Variants in SIL1 observed in about 807,000 individuals in gnomAD.
The protein encoded by SIL1 is SIL1 nucleotide exchange factor, also known as nucleotide exchange factor SIL1.
A neutral mutation model predicts 49.1 loss-of-function variants in SIL1; 40 were observed. That is an observed-to-expected ratio of 0.81 (90% CI 0.63 to 1.06). The LOEUF (loss-of-function observed/expected upper bound fraction) is 1.06, where lower values mean the gene tolerates loss of function less well. Ranked by LOEUF, SIL1 falls within the 50% of genes least tolerant of loss-of-function variation. The pLI, the probability that SIL1 is intolerant of heterozygous loss-of-function variation, is 0.00. For missense variants in SIL1, 500 were observed against 572.6 expected (o/e 0.87, Z 1.29); for synonymous variants, 253 against 250.8 (o/e 1.01, Z -0.08).
intron 5 of SIL1, among the ~76,000 whole-genome samples, chr5:139,039,768 ATC>A (rs1768997823): frequency 6.6e-6 from 1 of 152,232 alleles, no homozygotes; most frequent in South Asian, 2.1e-4. Context: ...AAAAGGCCAT[ATC>A]TTAAAAAACA....
chr5:139,075,329 T>G (rs138223270), intron 3 of SIL1, among the ~76,000 whole-genome samples: 8 of 152,284 alleles, frequency 5.3e-5, no homozygotes, highest in African/African-American at 1.7e-4. Context: ...CCCCTAGAAC[T>G]TTATTTTCCC....
intron 1 of SIL1, among the ~76,000 whole-genome samples, chr5:139,143,302 TATATAC>T (rs1561878583): frequency 1.4e-5 from 1 of 71,822 alleles, no homozygotes; most frequent in African/African-American, 7.6e-5. Context: ...TGTATATACA[TATATAC>T]ACACACACAC....
At chr5:139,062,608 G>A (rs1293213671) in intron 3 of SIL1, among the ~76,000 whole-genome samples, 3 of 152,076 alleles carry the variant, frequency 2.0e-5, no homozygotes, top group Non-Finnish European at 4.4e-5. Context: ...TCCTCAAGGA[G>A]GACAAACTAC....
rs571402369 is a variant in SIL1 at position 139,163,387 on chromosome 5, G to A, written c.-11+34882C>T. Among the ~76,000 whole-genome samples, 17 of 150,154 alleles carry A rather than the reference G, an allele frequency of 1.1e-4. 1 individual carries two copies. The highest frequency in any genetic ancestry group is 3.7e-4 in the African/African-American group (15 of 40,758). ...TTTTTTTTTCGGTTTTTTCTTTTGT[G>A]GAGACAAGGTATCGCTCTGTCACCC... is the stretch of plus-strand genomic sequence containing the variant. On this transcript the variant is annotated intron_variant, in intron 1 of 9. Coordinates refer to ENST00000394817, the MANE Select transcript of SIL1 (RefSeq NM_022464.5).
intron 1 of SIL1, among the ~76,000 whole-genome samples, chr5:139,143,431 C>T (rs1272248831): frequency 3.3e-5 from 5 of 150,252 alleles, no homozygotes; most frequent in Non-Finnish European, 7.4e-5. Flanking sequence ...AGTAGCGGGG[C>T]GTAATCTAGG....
intron 7 of SIL1, among the ~76,000 whole-genome samples, chr5:138,996,513 A>ATTTTTTTTT (rs140943492): frequency 2.2e-5 from 2 of 89,888 alleles, no homozygotes; most frequent in African/African-American, 5.4e-5. Context: ...TGCTGTGCAG[A>ATTTTTTTTT]TTTTTTTTTT....
intron 2 of SIL1, among the ~76,000 whole-genome samples, chr5:139,124,226 G>A (rs902724873): frequency 6.6e-5 from 10 of 152,108 alleles, no homozygotes; most frequent in Admixed American, 1.3e-4. Context: ...CTAAGGGTTC[G>A]GAAAGCCTCT....
At chr5:139,168,099 C>T (rs1751660802) in intron 1 of SIL1, among the ~76,000 whole-genome samples, 1 of 152,202 alleles carries the variant, frequency 6.6e-6, no homozygotes, top group Non-Finnish European at 1.5e-5. Flanking sequence ...AGTACAGTAG[C>T]AAGCTGTACA....
intron 1 of SIL1, among the ~76,000 whole-genome samples, chr5:139,171,011 C>G (rs1751750696): frequency 6.7e-6 from 1 of 150,120 alleles, no homozygotes; most frequent in East Asian, 2.0e-4. Flanking sequence ...CGCCTCTGCC[C>G]AGCCGCCCCT....
rs946089471 is a variant in SIL1, at chr5:138,992,093, G to A, written c.767+29078C>T. Among the ~76,000 whole-genome samples, 23 of 152,178 alleles carry A rather than the reference G, an allele frequency of 1.5e-4. No homozygotes were observed. The East Asian group carries it at 1.5e-3, about 10-fold the overall frequency. On this transcript the variant is annotated intron_variant, in intron 7 of 9. Coordinates refer to ENST00000394817, the MANE Select transcript of SIL1 (RefSeq NM_022464.5). ...ATGGAAGGAAAGCAAGGTGCAGAAC[G>A]GATGTACTGAGTCCCATGGCAATCA... is the stretch of plus-strand genomic sequence containing the variant.
At chr5:139,191,815 GC>G (rs1752176920) in intron 1 of SIL1, among the ~76,000 whole-genome samples, 1 of 151,794 alleles carries the variant, frequency 6.6e-6, no homozygotes, top group Admixed American at 6.6e-5. Context: ...AGTGGCTCAC[GC>G]CTGTAATCCC....
chr5:139,188,779 T>C (rs1016591026), intron 1 of SIL1, among the ~76,000 whole-genome samples: 1 of 152,222 alleles, frequency 6.6e-6, no homozygotes, highest in Non-Finnish European at 1.5e-5. Context: ...GAACATACTA[T>C]CTGAGGGACC....
chr5:139,026,729 T>C, intron 6 of SIL1, 72 bp downstream of exon 6: 2 of 1,365,034 alleles, frequency 1.5e-6, no homozygotes, highest in Non-Finnish European at 2.1e-6. Context: ...GCTATTTTCT[T>C]AGGGCTTAGG....
At chr5:139,092,165 C>T (rs565463896) in intron 3 of SIL1, among the ~76,000 whole-genome samples, 1 of 152,312 alleles carries the variant, frequency 6.6e-6, no homozygotes, top group South Asian at 2.1e-4. Context: ...AGCATATGAT[C>T]ACTAAGACTT....
intron 7 of SIL1, chr5:139,012,742 A>C (rs906647726): frequency 4.6e-5 from 7 of 152,216 alleles, no homozygotes; most frequent in African/African-American, 1.7e-4. Context: ...CCAAGGTGGG[A>C]GAATCACTCA....
At chr5:138,962,987 G>A (rs1199047424) in intron 7 of SIL1, among the ~76,000 whole-genome samples, 1 of 152,202 alleles carries the variant, frequency 6.6e-6, no homozygotes, top group Non-Finnish European at 1.5e-5. Context: ...AGGGAGGCAA[G>A]GCAGGAGTAA....
intron 1 of SIL1, among the ~76,000 whole-genome samples, chr5:139,151,725 T>A (rs991329306): frequency 1.1e-4 from 16 of 151,924 alleles, no homozygotes; most frequent in African/African-American, 3.9e-4. Flanking sequence ...GGAAAGAAAA[T>A]TAAAAAGCTC....
chr5:139,108,309 C>G (rs1467478117), intron 3 of SIL1: 1 of 152,092 alleles, frequency 6.6e-6, no homozygotes, highest in Non-Finnish European at 1.5e-5. Context: ...TAGGTGTGCT[C>G]AATTCAAGAG....
intron 7 of SIL1, among the ~76,000 whole-genome samples, chr5:139,001,935 G>C (rs1248908006): frequency 6.6e-6 from 1 of 151,570 alleles, no homozygotes; most frequent in Non-Finnish European, 1.5e-5. Flanking sequence ...AATAGGCCAG[G>C]AGTGATGGCT....
Sources: gnomAD v4.1 joint callset for allele counts (sites outside exome capture counted in the v4.1 genomes callset) on GRCh38, gnomAD v4.1.1 for gene constraint, MANE v1.5 for transcripts, NCBI Gene and HGNC (gene_info 2026-07-23, HGNC 2026-07-21) for gene names.